Variants in DOCK4 observed in about 807,000 individuals in gnomAD.
The protein encoded by DOCK4 is dedicator of cytokinesis protein 4.
Under a neutral mutation model 268.1 loss-of-function variants are expected in DOCK4, and 97 were observed. The ratio of observed to expected loss-of-function variants is 0.36; its 90% CI spans 0.31 to 0.43. The LOEUF (loss-of-function observed/expected upper bound fraction) is 0.43. DOCK4 is among the 20% of genes least tolerant of loss of function. The pLI, the probability that DOCK4 is intolerant of heterozygous loss-of-function variation, is 1.00. For missense variants in DOCK4, 2,145 were observed against 2,455.7 expected (o/e 0.87, Z 2.67); for synonymous variants, 954 against 887.2 (o/e 1.08, Z -1.34).
intron 23 of DOCK4, among the ~76,000 whole-genome samples, chr7:111,849,954 C>A (rs1472620574): frequency 6.6e-6 from 1 of 152,134 alleles, no homozygotes; most frequent in East Asian, 1.9e-4. Context: ...TAACTCCACA[C>A]ACACCGTGCC....
chr7:111,795,931 C>T (rs1432905158), intron 30 of DOCK4, among the ~76,000 whole-genome samples: 2 of 152,194 alleles, frequency 1.3e-5, no homozygotes, highest in East Asian at 3.8e-4. Flanking sequence ...AACTTCTCAA[C>T]CACAGTCTGT....
At chr7:111,982,719 T>C (rs1798700976) in intron 7 of DOCK4, among the ~76,000 whole-genome samples, 1 of 152,190 alleles carries the variant, frequency 6.6e-6, no homozygotes, top group Admixed American at 6.5e-5. Flanking sequence ...TCCAAAGCAT[T>C]GACTGGGTGC....
intron 1 of DOCK4, among the ~76,000 whole-genome samples, chr7:112,205,505 A>C (rs1821323018): frequency 6.6e-6 from 1 of 151,886 alleles, no homozygotes; most frequent in African/African-American, 2.4e-5. Context: ...CACCCCATAA[A>C]TCCGGGATCG....
At chr7:112,202,512 T>A (rs763770867) in intron 1 of DOCK4, among the ~76,000 whole-genome samples, 1 of 72,170 alleles carries the variant, frequency 1.4e-5, no homozygotes, top group Admixed American at 1.5e-4. Flanking sequence ...GAGGTGTAAT[T>A]TGTTAATAGC....
chr7:111,949,900 A>G (rs1441174134), intron 8 of DOCK4, among the ~76,000 whole-genome samples: 2 of 152,188 alleles, frequency 1.3e-5, no homozygotes, highest in African/African-American at 4.8e-5. Context: ...AAAAAAACTG[A>G]ACAAGTCAAT....
chr7:112,146,974 A>T (rs1212019796), intron 1 of DOCK4, among the ~76,000 whole-genome samples: 1 of 152,164 alleles, frequency 6.6e-6, no homozygotes, highest in African/African-American at 2.4e-5. Flanking sequence ...AAAGCCCCAA[A>T]GCACCTTATA....
chr7:111,897,716 T>C (rs957983679), intron 15 of DOCK4, among the ~76,000 whole-genome samples: 2 of 152,188 alleles, frequency 1.3e-5, no homozygotes, highest in African/African-American at 4.8e-5. Context: ...CACTGAACTG[T>C]ATGTTCTCAT....
intron 27 of DOCK4, among the ~76,000 whole-genome samples, chr7:111,817,151 G>A (rs996658833): frequency 1.3e-5 from 2 of 152,178 alleles, no homozygotes; most frequent in Non-Finnish European, 2.9e-5. Flanking sequence ...AACTCACCTG[G>A]AGGAGATGGA....
At chr7:111,852,707 T>C (rs1285785312) in intron 23 of DOCK4, among the ~76,000 whole-genome samples, 1 of 152,226 alleles carries the variant, frequency 6.6e-6, no homozygotes, top group Non-Finnish European at 1.5e-5. Context: ...GTGTGTGGCA[T>C]GTATACAAAG....
chr7:111,927,634 A>G (rs1483286746), intron 12 of DOCK4, among the ~76,000 whole-genome samples: 1 of 152,198 alleles, frequency 6.6e-6, no homozygotes, highest in African/African-American at 2.4e-5. Flanking sequence ...TAGGTTTTTT[A>G]AACAGGCTTT....
chr7:111,961,526 G>C (rs1796895531), intron 8 of DOCK4, among the ~76,000 whole-genome samples: 1 of 152,176 alleles, frequency 6.6e-6, no homozygotes, highest in South Asian at 2.1e-4. Flanking sequence ...TACTTATTTA[G>C]AATTTCCAGG....
intron 1 of DOCK4, among the ~76,000 whole-genome samples, chr7:112,179,403 G>A (rs1356026778): frequency 6.6e-6 from 1 of 151,696 alleles, no homozygotes; most frequent in African/African-American, 2.4e-5. Context: ...AGTGACCACA[G>A]GAAAAAATCT....
In DOCK4 at chr7:112,139,308, G is replaced by A. The variant is rs181682827; in HGVS notation, c.37+66794C>T. On this transcript the variant is annotated intron_variant, in intron 1 of 52. Transcript: ENST00000428084. ...ACAAAAAATACCCCCAAAAAGGGCT[G>A]AGTCTTTCGAACAAAGACATTAATT... Among the ~76,000 whole-genome samples, 149 of 152,254 alleles carry A rather than the reference G, an allele frequency of 9.8e-4. 1 individual carries two copies. The highest frequency in any genetic ancestry group is 3.3e-3 in the African/African-American group (137 of 41,538).
At chr7:111,827,876 C>T (rs1025842650) in intron 26 of DOCK4, among the ~76,000 whole-genome samples, 1 of 152,056 alleles carries the variant, frequency 6.6e-6, no homozygotes, top group African/African-American at 2.4e-5. Flanking sequence ...TGGATTGGGG[C>T]TTGATCAGAT....
rs1322479678 is a variant in DOCK4, at chr7:111,847,132, G to A, written c.2474-6C>T. 1 of 1,613,560 alleles carries A rather than the reference G, an allele frequency of 6.2e-7. No individual in the cohort carries two copies. The highest frequency in any genetic ancestry group is 1.7e-5 in the Admixed American group (1 of 60,008). On this transcript the variant is annotated splice_region_variant and splice_polypyrimidine_tract_variant and intron_variant, in intron 23 of 52. Transcript: ENST00000428084. ...CAGAAGAATGTATCGGGAATCTGAA[G>A]AGAGAAGAGTCATTAGTGTCACATC... is the stretch of plus-strand genomic sequence containing the variant.
intron 1 of DOCK4, among the ~76,000 whole-genome samples, chr7:112,132,985 T>G (rs930561575): frequency 6.6e-6 from 1 of 152,206 alleles, no homozygotes; most frequent in Non-Finnish European, 1.5e-5. Context: ...GAGACTGGTA[T>G]TCAGGGCTCT....
intron 30 of DOCK4, among the ~76,000 whole-genome samples, chr7:111,802,277 T>G (rs1161435109): frequency 6.6e-6 from 1 of 152,078 alleles, no homozygotes; most frequent in Non-Finnish European, 1.5e-5. Context: ...GAAGAAAATT[T>G]CTGTTGGGGC....
At chr7:112,021,509 C>CT (rs991852881) in intron 1 of DOCK4, among the ~76,000 whole-genome samples, 1 of 152,202 alleles carries the variant, frequency 6.6e-6, no homozygotes, top group African/African-American at 2.4e-5. Flanking sequence ...CCTGAGGCCA[C>CT]TTACAGTGCA....
Position 111,758,673 on chromosome 7 carries a change from T to C in DOCK4, c.4280A>G (p.Tyr1427Cys). ...TGTGCCTTTGTGAAATGGTCGGTCA[T>C]AGCGGAATTTCCAGATGTGATTCAC... ...YKVNHIWKFRYDRPFHKGTKD... is the reference protein window; with the variant it reads ...YKVNHIWKFRCDRPFHKGTKD... The change falls in exon 41 of 53, where the codon TAT becomes TGT. Residue 1427 changes from tyrosine to cysteine, a missense_variant. By Grantham distance (194) the Tyr-to-Cys change is radical (BLOSUM62 -2). Coordinates refer to ENST00000428084, the MANE Select transcript of DOCK4 (RefSeq NM_001363540.2). 2 of 1,614,016 alleles carry C rather than the reference T, an allele frequency of 1.2e-6. No individual in the cohort carries two copies. The highest frequency in any genetic ancestry group is 1.7e-6 in the Non-Finnish European group (2 of 1,179,884).
Sources: allele counts gnomAD v4.1 joint callset (sites outside exome capture counted in the v4.1 genomes callset), GRCh38; gene constraint gnomAD v4.1.1; transcripts MANE v1.5; gene names NCBI Gene and HGNC (gene_info 2026-07-23, HGNC 2026-07-21).